CHRM3: variants seen among roughly 807,000 people sequenced by gnomAD.
CHRM3 encodes muscarinic acetylcholine receptor M3.
CHRM3 carries 11 observed loss-of-function variants against 41.8 expected under a neutral mutation model. The observed-to-expected ratio is 0.26, with a 90% CI of 0.17 to 0.44. The LOEUF (loss-of-function observed/expected upper bound fraction) is 0.44, where lower values mean the gene tolerates loss of function less well. Ranked by LOEUF, CHRM3 falls within the 20% of genes least tolerant of loss-of-function variation. CHRM3 has a pLI of 1.00. For missense variants in CHRM3, 571 were observed against 745.4 expected (o/e 0.77, Z 2.72); for synonymous variants, 297 against 301.4 (o/e 0.99, Z 0.15).
At chr1:239,593,034 T>C (rs1664358854) in intron 3 of CHRM3, among the ~76,000 whole-genome samples, 1 of 152,068 alleles carries the variant, frequency 6.6e-6, no homozygotes, top group African/African-American at 2.4e-5. Context: ...CTCCCCATCT[T>C]CCACCCTGCT....
intron 2 of CHRM3, among the ~76,000 whole-genome samples, chr1:239,515,414 T>TG (rs566649815): frequency 1.6e-3 from 224 of 137,458 alleles, no homozygotes; most frequent in Non-Finnish European, 2.2e-3. Flanking sequence ...TTTTTTTTGT[T>TG]TTTTTTTTTT....
intron 6 of CHRM3, chr1:239,899,693 G>GCA (rs936807407): frequency 6.6e-6 from 1 of 151,650 alleles, no homozygotes; most frequent in African/African-American, 2.4e-5. Flanking sequence ...TAAGTATATC[G>GCA]TATATATATA....
intron 3 of CHRM3, among the ~76,000 whole-genome samples, chr1:239,585,538 A>G (rs1487349284): frequency 6.6e-6 from 1 of 152,148 alleles, no homozygotes; most frequent in Non-Finnish European, 1.5e-5. Context: ...ATAAAGGGCA[A>G]CCGTCAGCCT....
intron 5 of CHRM3, among the ~76,000 whole-genome samples, chr1:239,795,123 AT>A (rs902462139): frequency 6.6e-6 from 1 of 151,798 alleles, no homozygotes; most frequent in Non-Finnish European, 1.5e-5. Context: ...AAAACAATGT[AT>A]TTTTTTTAAC....
chr1:239,550,005 G>A (rs892660148), intron 3 of CHRM3, among the ~76,000 whole-genome samples: 1 of 151,758 alleles, frequency 6.6e-6, no homozygotes, highest in Non-Finnish European at 1.5e-5. Flanking sequence ...TAAGAAGAGA[G>A]CCTGCTCAAT....
chr1:239,818,688 T>C (rs1671793904), intron 5 of CHRM3, among the ~76,000 whole-genome samples: 1 of 152,196 alleles, frequency 6.6e-6, no homozygotes. Flanking sequence ...TTGGCTTTTA[T>C]TTGCAATTCT....
At chr1:239,578,099 A>C (rs1662543334) in intron 3 of CHRM3, among the ~76,000 whole-genome samples, 1 of 152,172 alleles carries the variant, frequency 6.6e-6, no homozygotes, top group Admixed American at 6.5e-5. Flanking sequence ...AGGAAACAGG[A>C]CTTTAATAAG....
intron 6 of CHRM3, among the ~76,000 whole-genome samples, chr1:239,839,811 C>T (rs1194542435): frequency 2.1e-5 from 3 of 140,144 alleles, no homozygotes; most frequent in Non-Finnish European, 4.7e-5. Context: ...GGGGGGGGAG[C>T]GGGGAAGGGA....
chr1:239,886,230 AT>A (rs1349286889), intron 6 of CHRM3: 1 of 152,172 alleles, frequency 6.6e-6, no homozygotes, highest in African/African-American at 2.4e-5. Flanking sequence ...AGAGGAAAGT[AT>A]TGGGCTGCAA....
At chr1:239,447,821 T>C (rs555095506) in intron 1 of CHRM3, among the ~76,000 whole-genome samples, 30 of 152,180 alleles carry the variant, frequency 2.0e-4, no homozygotes, top group Non-Finnish European at 3.7e-4. Flanking sequence ...ATTGAATTTA[T>C]TGAGAAGGCA....
At chr1:239,529,999 G>A (rs150886187) in intron 2 of CHRM3, among the ~76,000 whole-genome samples, 31 of 152,066 alleles carry the variant, frequency 2.0e-4, no homozygotes, top group African/African-American at 6.0e-4. Context: ...CCAGGTTCAC[G>A]CCATTATCCT....
rs377703976 is a variant in CHRM3, at chr1:239,778,022, G to A, written c.-146-49230G>A. Among the ~76,000 whole-genome samples, 58 of 152,192 alleles carry A rather than the reference G, an allele frequency of 3.8e-4. 1 individual carries two copies. In the East Asian group the frequency reaches 8.1e-3, roughly 21 times the overall value. ...ATATTGGGTACAGTTTACACTGCTT[G>A]GGTGAAGGATGCACTAAAATCTCAG... On this transcript the variant is annotated intron_variant, in intron 5 of 6. Coordinates refer to ENST00000676153, the MANE Select transcript of CHRM3 (RefSeq NM_001375978.1).
At chr1:239,814,385 A>G (rs1024879159) in intron 5 of CHRM3, among the ~76,000 whole-genome samples, 1 of 152,188 alleles carries the variant, frequency 6.6e-6, no homozygotes, top group African/African-American at 2.4e-5. Flanking sequence ...AGTCACACGT[A>G]AGAGAAATGG....
chr1:239,642,699 C>A (rs1671307929), intron 4 of CHRM3, among the ~76,000 whole-genome samples: 1 of 152,098 alleles, frequency 6.6e-6, no homozygotes, highest in Non-Finnish European at 1.5e-5. Flanking sequence ...AACTTCTTTG[C>A]CTTTGGTTTG....
intron 5 of CHRM3, among the ~76,000 whole-genome samples, chr1:239,727,263 G>A (rs1439880360): frequency 1.3e-5 from 2 of 151,772 alleles, no homozygotes; most frequent in African/African-American, 4.8e-5. Flanking sequence ...TTTTCTATTT[G>A]GACAGAATTG....
chr1:239,465,261 T>A (rs1351845186), intron 1 of CHRM3, among the ~76,000 whole-genome samples: 1 of 152,028 alleles, frequency 6.6e-6, no homozygotes, highest in Non-Finnish European at 1.5e-5. Context: ...GTAAGTGAGG[T>A]AACAAGGAGA....
chr1:239,680,858 T>C (rs1658494104), intron 5 of CHRM3, among the ~76,000 whole-genome samples: 1 of 152,064 alleles, frequency 6.6e-6, no homozygotes, highest in African/African-American at 2.4e-5. Context: ...AGTGACCTTA[T>C]AAACCATTTG....
intron 6 of CHRM3, among the ~76,000 whole-genome samples, chr1:239,848,171 C>CAT (rs1216586053): frequency 1.3e-5 from 2 of 152,116 alleles, no homozygotes; most frequent in Non-Finnish European, 2.9e-5. Context: ...AGAGAATTTT[C>CAT]ATACCATTCA....
chr1:239,838,042 G>A (rs1001803030), intron 6 of CHRM3, among the ~76,000 whole-genome samples: 6 of 152,142 alleles, frequency 3.9e-5, no homozygotes, highest in Non-Finnish European at 7.4e-5. Flanking sequence ...CAAAATATAA[G>A]GCTCAGAGAA....
Sources: gnomAD v4.1 joint callset for allele counts (sites outside exome capture counted in the v4.1 genomes callset) on GRCh38, gnomAD v4.1.1 for gene constraint, MANE v1.5 for transcripts, NCBI Gene and HGNC (gene_info 2026-07-23, HGNC 2026-07-21) for gene names.